Variants in PARK7 observed in about 807,000 individuals in gnomAD.
PARK7 encodes Parkinsonism associated deglycase, also known as Parkinson disease protein 7.
A neutral mutation model predicts 20.5 loss-of-function variants in PARK7; 14 were observed. The observed-to-expected ratio is 0.68, with a 90% CI of 0.45 to 1.07. The LOEUF is 1.07. Ranked by LOEUF, PARK7 falls within the 50% of genes least tolerant of loss-of-function variation. The pLI is 0.00. For synonymous variants in PARK7, 98 were observed against 84.3 expected (o/e 1.16, Z -0.89); for missense variants, 234 against 238.1 (o/e 0.98, Z 0.11).
chr1:7,962,946 A>T, intron 2 of PARK7, 71 bp downstream of exon 2: 1 of 1,247,414 alleles, frequency 8.0e-7, no homozygotes, highest in Non-Finnish European at 1.2e-6. Context: ...TTTTGAATAA[A>T]ATATTCAAAG....
In PARK7 at chr1:7,961,751, C is replaced by G. The variant is rs1022655362; in HGVS notation, c.-66C>G. 6.6e-6 allele frequency: 1 copy of G among 152,582 alleles called. No individual in the cohort carries two copies. Among genetic ancestry groups the G allele is most frequent in the East Asian group, 1.9e-4 (1 of 5,246 alleles). The allele number at this position is 152,582 out of a possible 1,614,324, so 9.5% of individuals were successfully genotyped here. ...CTGGTGTGGGGTGAGTGGTACCCAACGGGCCGGGGCGCCGCGTCCGCAGGA... is the reference window on the plus strand; with the variant it reads ...CTGGTGTGGGGTGAGTGGTACCCAAGGGGCCGGGGCGCCGCGTCCGCAGGA... On this transcript the variant is annotated 5_prime_UTR_variant, in exon 1 of 7. Coordinates refer to ENST00000338639, the MANE Select transcript of PARK7 (RefSeq NM_007262.5).
At chr1:7,981,931 T>TA (rs1640718702) in intron 6 of PARK7, among the ~76,000 whole-genome samples, 1 of 150,780 alleles carries the variant, frequency 6.6e-6, no homozygotes, top group Non-Finnish European at 1.5e-5. Context: ...GTGCTGGGAT[T>TA]ACAGGCGTGA....
intron 5 of PARK7, among the ~76,000 whole-genome samples, chr1:7,975,045 G>A (rs940272947): frequency 1.3e-5 from 2 of 151,750 alleles, no homozygotes; most frequent in Admixed American, 6.6e-5. Context: ...TGGTAGAGAC[G>A]GGGTTTCACC....
chr1:7,971,331 C>T (rs1253744936), intron 5 of PARK7: 4 of 325,912 alleles, frequency 1.2e-5, no homozygotes, highest in Non-Finnish European at 1.8e-5. Context: ...CACAGCAGCT[C>T]TGTCCTGTGC....
chr1:7,962,818 T>C lies in PARK7; in HGVS notation c.33T>C (p.Ala11=), dbSNP rs1578089691. ...CCAAAAGAGCTCTGGTCATCCTGGC[T>C]AAAGGAGCAGAGGAAATGGAGACGG... MASKRALVIL[A]KGAEEMETVI... is the part of the protein sequence containing the mutation. Residue 11 remains alanine, a synonymous_variant, in exon 2 of 7, where the codon GCT becomes GCC. Transcript: ENST00000338639. 6.2e-7 allele frequency: 1 copy of C among 1,612,404 alleles called. No homozygotes were observed.
At chr1:7,965,250 C>T (rs1640299823) in intron 2 of PARK7, 74 bp from the exon 3 acceptor site, 3 of 1,353,004 alleles carry the variant, frequency 2.2e-6, no homozygotes, top group East Asian at 2.4e-5. Context: ...TCTCTTTTTT[C>T]TTTTTTTTTA....
chr1:7,964,863 G>A lies in PARK7; in HGVS notation c.91-461G>A, dbSNP rs145503886. 2.0e-5 allele frequency among the ~76,000 whole-genome samples: 3 copies of A among 152,334 alleles called. No homozygotes were observed. The East Asian group carries it at 5.8e-4, about 29-fold the overall frequency. The stretch of plus-strand genomic sequence containing the variant: ...AACTTGCAAGATGAGTTATTAATAG[G>A]ATGATCATATAACTGGTCACCCAAA... On this transcript the variant is annotated intron_variant, in intron 2 of 6. Coordinates refer to ENST00000338639, the MANE Select transcript of PARK7 (RefSeq NM_007262.5).
intron 6 of PARK7, 60 bp downstream of exon 6, chr1:7,977,798 C>A: frequency 6.8e-7 from 1 of 1,470,704 alleles, no homozygotes; most frequent in Non-Finnish European, 9.5e-7. Context: ...CTCGCTCCAT[C>A]GCCCAGGCTG....
chr1:7,971,249 T>G, intron 5 of PARK7: 1 of 461,462 alleles, frequency 2.2e-6, no homozygotes, highest in Non-Finnish European at 4.0e-6. Flanking sequence ...AGTAAACAGC[T>G]TGTTACAGCA....
At chr1:7,962,961 C>T (rs1157909732) in intron 2 of PARK7, 86 bp downstream of exon 2, 3 of 1,104,490 alleles carry the variant, frequency 2.7e-6, no homozygotes, top group African/African-American at 1.5e-5. Flanking sequence ...TCAAAGTGCT[C>T]TATGAAATAT....
intron 5 of PARK7, among the ~76,000 whole-genome samples, chr1:7,972,198 A>G (rs562096089): frequency 7.2e-5 from 11 of 152,300 alleles, no homozygotes; most frequent in African/African-American, 2.6e-4. Flanking sequence ...GTGGTGGCTC[A>G]TGCCTGTAAT....
intron 5 of PARK7, among the ~76,000 whole-genome samples, chr1:7,974,634 A>C (rs866120184): frequency 6.6e-6 from 1 of 151,788 alleles, no homozygotes; most frequent in Admixed American, 6.6e-5. Flanking sequence ...ATCTCAAAAA[A>C]AAAAAAATTA....
intron 2 of PARK7, among the ~76,000 whole-genome samples, chr1:7,963,675 C>A (rs1640261382): frequency 6.6e-6 from 1 of 151,970 alleles, no homozygotes; most frequent in South Asian, 2.1e-4. Context: ...ATGCCCGGCC[C>A]CTCAGACTCG....
At chr1:7,975,697 G>C (rs1444488484) in intron 5 of PARK7, among the ~76,000 whole-genome samples, 1 of 152,178 alleles carries the variant, frequency 6.6e-6, no homozygotes, top group Non-Finnish European at 1.5e-5. Flanking sequence ...CATCGTAGCA[G>C]TGATTTTATT....
At chr1:7,976,760 G>A (rs1446171332) in intron 5 of PARK7, among the ~76,000 whole-genome samples, 6 of 151,954 alleles carry the variant, frequency 3.9e-5, no homozygotes, top group African/African-American at 7.3e-5. Flanking sequence ...TCGCTCTGTC[G>A]CCCAGGCTGG....
chr1:7,978,753 G>A (rs1640641874), intron 6 of PARK7, among the ~76,000 whole-genome samples: 1 of 151,962 alleles, frequency 6.6e-6, no homozygotes, highest in South Asian at 2.1e-4. Context: ...GGCTGAGGTG[G>A]GATGATCGCT....
At position 7,970,806 on chromosome 1, in the gene PARK7, AAAATT is replaced by A. The variant is rs375529077; in HGVS notation, c.253-82_253-78del. On this transcript the variant is annotated intron_variant, in intron 4 of 6. Transcript: ENST00000338639. ...GGTCAGAGAGCTTGTGGTTTAAACT[AAAATT>A]AAATTCTTCCAAAGTTTCCTAGTGA... is the stretch of plus-strand genomic sequence containing the variant. The A allele has an allele frequency of 2.5e-5, 33 of 1,321,584 alleles. No individual in the cohort carries two copies. The Middle Eastern group carries it at 7.1e-4, about 28-fold the overall frequency. The allele number at this position is 1,321,584 out of a possible 1,614,324, so 81.9% of individuals were successfully genotyped here.
chr1:7,963,096 C>T (rs1002438027), intron 2 of PARK7, among the ~76,000 whole-genome samples: 1 of 152,118 alleles, frequency 6.6e-6, no homozygotes, highest in Non-Finnish European at 1.5e-5. Context: ...TTGTTTTGAG[C>T]TCTGTCGTCC....
chr1:7,973,209 A>G (rs1374738184), intron 5 of PARK7, among the ~76,000 whole-genome samples: 1 of 152,224 alleles, frequency 6.6e-6, no homozygotes, highest in African/African-American at 2.4e-5. Flanking sequence ...TGGGCTTACT[A>G]CAAGAGTCAC....
Sources: gnomAD v4.1 joint callset for allele counts (sites outside exome capture counted in the v4.1 genomes callset) on GRCh38, gnomAD v4.1.1 for gene constraint, MANE v1.5 for transcripts, NCBI Gene and HGNC (gene_info 2026-07-23, HGNC 2026-07-21) for gene names.